PRKCE: variants seen among roughly 807,000 people sequenced by gnomAD.
PRKCE encodes the protein protein kinase C epsilon type.
A neutral mutation model predicts 85.4 loss-of-function variants in PRKCE; 16 were observed. That is an observed-to-expected ratio of 0.19 (90% confidence interval 0.13 to 0.28). The LOEUF (loss-of-function observed/expected upper bound fraction) is 0.28, where lower values mean the gene tolerates loss of function less well. Among genes scored for constraint, PRKCE ranks in the 10% least tolerant of loss-of-function variants. The pLI, the probability that PRKCE is intolerant of heterozygous loss-of-function variation, is 1.00. For missense variants in PRKCE, 573 were observed against 975.2 expected, an observed-to-expected ratio of 0.59 and a Z score of 5.49; for synonymous variants, 388 against 371.5, an observed-to-expected ratio of 1.04 and a Z score of -0.51.
At chr2:45,799,987 T>C (rs980783955) in intron 1 of PRKCE, among the ~76,000 whole-genome samples, 2 of 152,230 alleles carry the variant, frequency 1.3e-5, no homozygotes, top group African/African-American at 2.4e-5. Context: ...TGAGACTGTT[T>C]CCATGGTGGG....
intron 1 of PRKCE, among the ~76,000 whole-genome samples, chr2:45,699,555 C>T (rs1263708798): frequency 6.6e-6 from 1 of 152,164 alleles, no homozygotes; most frequent in Admixed American, 6.5e-5. Flanking sequence ...GGATGAGGGG[C>T]ACCAGCCCCC....
At chr2:45,948,847 A>G (rs1251776892) in intron 2 of PRKCE, among the ~76,000 whole-genome samples, 1 of 152,224 alleles carries the variant, frequency 6.6e-6, no homozygotes, top group Non-Finnish European at 1.5e-5. Flanking sequence ...TTTACTTTAT[A>G]TAAATGGTAT....
chr2:46,116,513 G>T (rs1267643617), intron 11 of PRKCE, among the ~76,000 whole-genome samples: 1 of 152,222 alleles, frequency 6.6e-6, no homozygotes, highest in Non-Finnish European at 1.5e-5. Flanking sequence ...TTGAATCAAT[G>T]AGGAAATCAG....
rs397984467 is a variant in PRKCE, at chr2:46,023,089, C to CAAAAAAAAAAAAAA, written c.1437+12580_1437+12593dup. Among the ~76,000 whole-genome samples the CAAAAAAAAAAAAAA allele has an allele frequency of 5.9e-4, 42 of 71,504 alleles. 5 individuals carry two copies. Among genetic ancestry groups the CAAAAAAAAAAAAAA allele is most frequent in the African/African-American group, 2.0e-3 (32 of 16,396 alleles). The allele number at this position is 71,504 out of a possible 152,430, so 46.9% of individuals were successfully genotyped here. ...TGGGCGACAGAGCGAGACTCCGTCTCAAAAAAAAAAAAAAAAAAAAATCAT... is the reference window on the plus strand; with the variant it reads ...TGGGCGACAGAGCGAGACTCCGTCTCAAAAAAAAAAAAAAAAAAAAAAAAAAAAAAAAAAATCAT... On this transcript the variant is annotated intron_variant, in intron 10 of 14. Transcript: ENST00000306156.
chr2:45,943,952 G>A (rs1700060090), intron 2 of PRKCE, among the ~76,000 whole-genome samples: 1 of 152,212 alleles, frequency 6.6e-6, no homozygotes, highest in South Asian at 2.1e-4. Flanking sequence ...CACTCACGTG[G>A]TTTTACAGTT....
chr2:46,156,323 A>G (rs1234958702), intron 13 of PRKCE, among the ~76,000 whole-genome samples: 1 of 152,178 alleles, frequency 6.6e-6, no homozygotes, highest in Non-Finnish European at 1.5e-5. Flanking sequence ...TGCTTTGCCA[A>G]GTTCCTTGCC....
chr2:45,831,275 G>A (rs370805907), intron 1 of PRKCE, among the ~76,000 whole-genome samples: 1 of 152,206 alleles, frequency 6.6e-6, no homozygotes, highest in Non-Finnish European at 1.5e-5. Flanking sequence ...AAGGAAAGAC[G>A]ATTAGTTTTC....
At chr2:45,752,164 TGATATGTGTTGAATA>T (rs1683629968) in intron 1 of PRKCE, among the ~76,000 whole-genome samples, 1 of 152,190 alleles carries the variant, frequency 6.6e-6, no homozygotes, top group Non-Finnish European at 1.5e-5. Context: ...ATGGAATAAC[TGATATGTGTTGAATA>T]CTTGTTATGT....
At chr2:45,815,182 T>G (rs1432102138) in intron 1 of PRKCE, among the ~76,000 whole-genome samples, 1 of 152,226 alleles carries the variant, frequency 6.6e-6, no homozygotes, top group East Asian at 1.9e-4. Context: ...TGCAGGAAAT[T>G]TGATACACCA....
chr2:45,683,639 T>C (rs1677072349), intron 1 of PRKCE, among the ~76,000 whole-genome samples: 1 of 152,164 alleles, frequency 6.6e-6, no homozygotes. Context: ...TGGGGGGAAA[T>C]GCTTTGCGGG....
At chr2:45,791,299 G>A (rs1291521421) in intron 1 of PRKCE, among the ~76,000 whole-genome samples, 1 of 152,194 alleles carries the variant, frequency 6.6e-6, no homozygotes, top group Non-Finnish European at 1.5e-5. Context: ...AACAGAACGC[G>A]AGAGATGGAA....
chr2:45,830,206 C>T (rs1391279032), intron 1 of PRKCE, among the ~76,000 whole-genome samples: 1 of 152,086 alleles, frequency 6.6e-6, no homozygotes, highest in Non-Finnish European at 1.5e-5. Flanking sequence ...GGGACCCATG[C>T]TCTAATGGCC....
At chr2:45,807,748 A>T (rs1377555104) in intron 1 of PRKCE, among the ~76,000 whole-genome samples, 1 of 151,918 alleles carries the variant, frequency 6.6e-6, no homozygotes, top group South Asian at 2.1e-4. Context: ...TGAGACCCCC[A>T]TCTCAGACCT....
chr2:45,964,234 C>T (rs1054391720), intron 2 of PRKCE, among the ~76,000 whole-genome samples: 7 of 152,194 alleles, frequency 4.6e-5, no homozygotes, highest in African/African-American at 1.7e-4. Flanking sequence ...AGGCAGAGAC[C>T]CTACTAAGAC....
At chr2:45,704,089 G>A (rs1170086727) in intron 1 of PRKCE, among the ~76,000 whole-genome samples, 2 of 152,212 alleles carry the variant, frequency 1.3e-5, no homozygotes, top group Non-Finnish European at 2.9e-5. Context: ...CATGGGCGAT[G>A]CATAGCTGAA....
At chr2:45,731,292 C>T (rs1004649621) in intron 1 of PRKCE, among the ~76,000 whole-genome samples, 1 of 152,206 alleles carries the variant, frequency 6.6e-6, no homozygotes, top group Non-Finnish European at 1.5e-5. Flanking sequence ...TTCACTTAGA[C>T]AGAGCAGCTC....
At chr2:46,135,746 C>CTTTTTTTTTT (rs11417233) in intron 11 of PRKCE, among the ~76,000 whole-genome samples, 635 of 20,662 alleles carry the variant, frequency 0.031, 242 homozygotes, top group East Asian at 0.12. Flanking sequence ...ACAAATTATG[C>CTTTTTTTTTT]TTTTTTTTTT....
chr2:45,689,061 G>A (rs1677520960), intron 1 of PRKCE, among the ~76,000 whole-genome samples: 1 of 152,188 alleles, frequency 6.6e-6, no homozygotes, highest in African/African-American at 2.4e-5. Context: ...TGTGGGGCGT[G>A]CTTTGTTTAA....
chr2:45,896,829 A>T (rs1696182830), intron 2 of PRKCE, among the ~76,000 whole-genome samples: 1 of 152,188 alleles, frequency 6.6e-6, no homozygotes, highest in East Asian at 1.9e-4. Context: ...CATGCCTGTA[A>T]TCTCAATGCT....
Sources: gnomAD v4.1 joint callset for allele counts (sites outside exome capture counted in the v4.1 genomes callset) on GRCh38, gnomAD v4.1.1 for gene constraint, MANE v1.5 for transcripts, NCBI Gene and HGNC (gene_info 2026-07-23, HGNC 2026-07-21) for gene names.